TARBP1: variants seen among roughly 807,000 people sequenced by gnomAD.
TARBP1 encodes the protein tRNA guanosine 2 -O-methyltransferase TARBP1, also known as tRNA (guanosine(18)-2'-O)-methyltransferase TARBP1.
A neutral mutation model predicts 178.6 loss-of-function variants in TARBP1; 144 were observed. The ratio of observed to expected loss-of-function variants is 0.81; its 90% confidence interval spans 0.70 to 0.93. The LOEUF (loss-of-function observed/expected upper bound fraction) is 0.93. Ranked by LOEUF, TARBP1 falls within the 40% of genes least tolerant of loss-of-function variation. TARBP1 has a pLI of 0.00. For synonymous variants in TARBP1, 787 were observed against 781.0 expected, an observed-to-expected ratio of 1.01 and a Z score of -0.13; for missense variants, 2,067 against 2,011.7, an observed-to-expected ratio of 1.03 and a Z score of -0.53.
At position 234,478,410 on chromosome 1, in the gene TARBP1, C is replaced by T; in HGVS notation, c.694G>A (p.Val232Ile). ...AGCTTCTCGGCCAGGGCGCTCAGGA[C>T]CAGCAGCTTCTCCTCTACGCGGCCG... ...GSGRVEEKLLVLSALAEKLLP... is the reference protein window; with the variant it reads ...GSGRVEEKLLILSALAEKLLP... Residue 232 changes from valine (V) to isoleucine (I), a missense_variant, in exon 1 of 30, where the codon GTC (valine) becomes ATC (isoleucine). Val to Ile is a conservative substitution (Grantham distance 29). Coordinates refer to ENST00000040877, the MANE Select transcript of TARBP1 (RefSeq NM_005646.4). 8.7e-6 allele frequency: 12 copies of T among 1,379,432 alleles called. No homozygotes were observed. Among genetic ancestry groups the T allele is most frequent in the Non-Finnish European group, 1.1e-5 (12 of 1,061,950 alleles). 85.4% of individuals were successfully genotyped at this position (1,379,432 alleles called of 1,614,324 possible).
intron 19 of TARBP1, among the ~76,000 whole-genome samples, chr1:234,426,693 TA>T: frequency 6.6e-6 from 1 of 152,064 alleles, no homozygotes; most frequent in East Asian, 1.9e-4. Flanking sequence ...TGTGAAAAAA[TA>T]AAACTTGAAA....
intron 24 of TARBP1, among the ~76,000 whole-genome samples, chr1:234,403,911 C>A (rs1660959126): frequency 6.6e-6 from 1 of 152,168 alleles, no homozygotes; most frequent in African/African-American, 2.4e-5. Context: ...TGGTCTCGAA[C>A]TCCTGACCTC....
intron 6 of TARBP1, 30 bp from the exon 7 acceptor site, chr1:234,460,426 T>TTGCCATTG: frequency 6.2e-7 from 1 of 1,611,234 alleles, no homozygotes; most frequent in Non-Finnish European, 8.5e-7. Flanking sequence ...ATTATCATTG[T>TTGCCATTG]TGCCAATTAG....
rs1665123668 is a variant in TARBP1, at chr1:234,437,276, C to T, written c.2231G>A (p.Ser744Asn). Residue 744 changes from serine (S) to asparagine (N), a missense_variant and splice_region_variant, in exon 13 of 30, where the codon AGT becomes AAT. Physicochemically the swap from Ser to Asn is conservative, Grantham distance 46 (BLOSUM62 1). Coordinates refer to ENST00000040877, the MANE Select transcript of TARBP1 (RefSeq NM_005646.4). ...LRRLTMNELNSVSDLDRCHLY... is the reference protein window; with the variant it reads ...LRRLTMNELNNVSDLDRCHLY... ...AAAGTTATTCCACTGAATACTTACA[C>T]TATTTAGCTCATTCATAGTAAGTCT... 3 of 1,472,672 alleles carry T rather than the reference C, an allele frequency of 2.0e-6. No individual in the cohort carries two copies. Among genetic ancestry groups the T allele is most frequent in the Non-Finnish European group, 9.3e-7 (1 of 1,074,356 alleles). 91.2% of individuals were successfully genotyped at this position (1,472,672 alleles called of 1,614,324 possible).
At chr1:234,472,278 G>A (rs556775098) in intron 2 of TARBP1, among the ~76,000 whole-genome samples, 1 of 134,374 alleles carries the variant, frequency 7.4e-6, no homozygotes, top group Non-Finnish European at 1.5e-5. Context: ...GCAGTGAGCT[G>A]AGATCGTGCC....
In TARBP1 at chr1:234,429,248, G is replaced by C. The variant is rs374678756; in HGVS notation, c.2948C>G (p.Thr983Ser). ...AWKIISSLSN[T>S]QLIFWANLKA... ...TAAATTAGCCCAGAATATCAGCTGA[G>C]TGTTGCTTAAAGAAGATATAATTTT... is the stretch of plus-strand genomic sequence containing the variant. Residue 983 changes from threonine (T) to serine (S), a missense_variant, in exon 17 of 30, where the codon ACT (threonine) becomes AGT (serine). Physicochemically the swap from Thr to Ser is moderately conservative, Grantham distance 58 (BLOSUM62 1). Transcript: ENST00000040877. 2 of 1,609,730 alleles carry C rather than the reference G, an allele frequency of 1.2e-6. No homozygotes were observed. Among genetic ancestry groups the C allele is most frequent in the Non-Finnish European group, 8.5e-7 (1 of 1,179,060 alleles).
chr1:234,430,226 G>T lies in TARBP1; in HGVS notation c.2470C>A (p.Gln824Lys). The change falls in exon 15 of 30, where the codon CAG becomes AAG. Residue 824 changes from glutamine (Q) to lysine (K), a missense_variant. Coordinates refer to ENST00000040877, the MANE Select transcript of TARBP1 (RefSeq NM_005646.4). ...ALAMVCEAID[Q>K]KPELQLDSLH... The stretch of plus-strand genomic sequence containing the variant: ...GAGTCCAGCTGCAGCTCAGGCTTCT[G>T]GTCTATGGCCTCACACACCATGGCC... The T allele has an allele frequency of 6.2e-7, 1 of 1,614,152 alleles. No homozygotes were observed. The highest frequency in any genetic ancestry group is 8.5e-7 in the Non-Finnish European group (1 of 1,180,038).
intron 23 of TARBP1, among the ~76,000 whole-genome samples, chr1:234,408,586 C>T (rs1465117606): frequency 1.3e-5 from 2 of 152,100 alleles, no homozygotes; most frequent in Admixed American, 6.6e-5. Flanking sequence ...ATTTTGCAGA[C>T]CTGCACTCGA....
chr1:234,431,539 T>G (rs1248578529), intron 14 of TARBP1, among the ~76,000 whole-genome samples: 1 of 152,242 alleles, frequency 6.6e-6, no homozygotes, highest in Non-Finnish European at 1.5e-5. Flanking sequence ...TTTTTCTTAG[T>G]AGCCTGGATT....
rs1448697711 is a variant in TARBP1, at chr1:234,478,964, T to G, written c.140A>C (p.Glu47Ala). 6 of 1,467,162 alleles carry G rather than the reference T, an allele frequency of 4.1e-6. No individual in the cohort carries two copies. Among genetic ancestry groups the G allele is most frequent in the Admixed American group, 2.6e-5 (1 of 39,166 alleles). 90.9% of individuals were successfully genotyped at this position (1,467,162 alleles called of 1,614,324 possible). The change falls in exon 1 of 30, where the codon GAG (glutamate) becomes GCG (alanine). Residue 47 changes from glutamate to alanine, a missense_variant. By Grantham distance (107) the Glu-to-Ala change is moderately radical. Coordinates refer to ENST00000040877, the MANE Select transcript of TARBP1 (RefSeq NM_005646.4). Reference protein sequence around the residue: ...RFLLQRLEDEEARGSGGAGAL... With the variant: ...RFLLQRLEDEAARGSGGAGAL... ...GCCTGCGCCCCCGCTGCCGCGCGCC[T>G]CCTCGTCCTCGAGCCGCTGCAGAAG... is the stretch of plus-strand genomic sequence containing the variant.
chr1:234,474,245 AACACAC>A (rs35976593), intron 1 of TARBP1, among the ~76,000 whole-genome samples: 192 of 81,592 alleles, frequency 2.4e-3, no homozygotes, highest in African/African-American at 5.0e-3. Flanking sequence ...TTGTCTCTAA[AACACAC>A]ACACACACAC....
At chr1:234,456,992 CAAAT>C (rs1222442444) in intron 9 of TARBP1, among the ~76,000 whole-genome samples, 1 of 152,080 alleles carries the variant, frequency 6.6e-6, no homozygotes, top group Non-Finnish European at 1.5e-5. Context: ...ACATAAATAA[CAAAT>C]AAGCACTGAA....
intron 5 of TARBP1, 74 bp downstream of exon 5, chr1:234,465,582 C>A: frequency 1.5e-6 from 2 of 1,374,838 alleles, no homozygotes; most frequent in Non-Finnish European, 1.9e-6. Context: ...GTGCCAAATG[C>A]ATGAAACAAT....
intron 9 of TARBP1, among the ~76,000 whole-genome samples, chr1:234,451,368 G>T (rs551350986): frequency 6.6e-6 from 1 of 152,124 alleles, no homozygotes; most frequent in South Asian, 2.1e-4. Flanking sequence ...AAGCATTTTT[G>T]AAAAATTATT....
chr1:234,446,487 T>C (rs956316516), intron 12 of TARBP1, among the ~76,000 whole-genome samples: 1 of 152,016 alleles, frequency 6.6e-6, no homozygotes, highest in African/African-American at 2.4e-5. Context: ...TAAGCATGCA[T>C]AAATATTTTT....
chr1:234,410,015 T>C (rs185853185), intron 23 of TARBP1, among the ~76,000 whole-genome samples: 1 of 152,356 alleles, frequency 6.6e-6, no homozygotes, highest in Non-Finnish European at 1.5e-5. Context: ...GACAGTCATT[T>C]TATATCACCT....
rs191028156 is a variant in TARBP1 at position 234,428,793 on chromosome 1, G to A, written c.3060+343C>T. 7.9e-5 allele frequency among the ~76,000 whole-genome samples: 12 copies of A among 152,214 alleles called. No individual in the cohort carries two copies. In the East Asian group the frequency reaches 1.7e-3, roughly 22 times the overall value. ...GCTCCTGACCTCACGTGATCCGCCC[G>A]CCTCAGCCTCTCAAAGTGGTGGGAT... On this transcript the variant is annotated intron_variant, in intron 17 of 29. Coordinates refer to ENST00000040877, the MANE Select transcript of TARBP1 (RefSeq NM_005646.4).
chr1:234,429,439 A>T lies in TARBP1; in HGVS notation c.2848T>A (p.Cys950Ser), dbSNP rs750995425. The change falls in exon 16 of 30, where the codon TGC (cysteine) becomes AGC (serine). Residue 950 changes from cysteine (C) to serine (S), a missense_variant. Transcript: ENST00000040877. ...ACCTTGGGAACCAACACTTTCAAGC[A>T]ATGGAACACTGGTAAAACTTGATCA... ...SSDQVLPVFH[C>S]LKVLVPKLLT... 1.5e-4 allele frequency: 242 copies of T among 1,613,094 alleles called. No homozygotes were observed. The highest frequency in any genetic ancestry group is 1.9e-4 in the Non-Finnish European group (230 of 1,179,700).
chr1:234,434,173 T>C (rs1211472788), intron 13 of TARBP1, among the ~76,000 whole-genome samples: 2 of 152,206 alleles, frequency 1.3e-5, no homozygotes, highest in Non-Finnish European at 2.9e-5. Context: ...GATGACTCAA[T>C]TGTGAAATGT....
Sources: gnomAD v4.1 joint callset for allele counts (sites outside exome capture counted in the v4.1 genomes callset) on GRCh38, gnomAD v4.1.1 for gene constraint, MANE v1.5 for transcripts, NCBI Gene and HGNC (gene_info 2026-07-23, HGNC 2026-07-21) for gene names.